GREB1: variants seen among roughly 807,000 people sequenced by gnomAD.
GREB1 encodes protein GREB1.
Under a neutral mutation model 200.7 loss-of-function variants are expected in GREB1, and 106 were observed. The ratio of observed to expected loss-of-function variants is 0.53; its 90% confidence interval spans 0.45 to 0.62. GREB1 has a LOEUF of 0.62. Ranked by LOEUF, GREB1 falls within the 20% of genes least tolerant of loss-of-function variation. The pLI is 0.00. For synonymous variants in GREB1, 1,132 were observed against 1,092.4 expected (o/e 1.04, Z -0.72); for missense variants, 2,243 against 2,556.8 (o/e 0.88, Z 2.65).
rs1285084354 is a variant in GREB1, at chr2:11,493,799, A to G, written c.-159+11418A>G. 2.0e-5 allele frequency among the ~76,000 whole-genome samples: 3 copies of G among 152,208 alleles called. No individual in the cohort carries two copies. Among genetic ancestry groups the G allele is most frequent in the African/African-American group, 7.2e-5 (3 of 41,452 alleles). ...AGGCATGGTAAGAGGCACATGAGGT[A>G]TAAGTTGCAAACTCTGACCTCTGGG... On this transcript the variant is annotated intron_variant, in intron 1 of 2. Transcript: ENST00000628795. This position sits in a 1 kb window ranked among gnomAD's most constrained non-coding sequence, Gnocchi z 4.6.
intron 17 of GREB1, among the ~76,000 whole-genome samples, chr2:11,608,396 C>T (rs1682606113): frequency 6.6e-6 from 1 of 152,136 alleles, no homozygotes; most frequent in Non-Finnish European, 1.5e-5. Flanking sequence ...AATTGGTTCC[C>T]CCCCTTTATT....
chr2:11,485,298 A>G (rs1206437702), intron 1 of GREB1, among the ~76,000 whole-genome samples: 3 of 141,086 alleles, frequency 2.1e-5, no homozygotes, highest in Admixed American at 7.1e-5. Flanking sequence ...TTTGAGACAG[A>G]GTCTTGCTCT....
At chr2:11,566,101 C>T (rs1460220860) in intron 3 of GREB1, among the ~76,000 whole-genome samples, 1 of 152,084 alleles carries the variant, frequency 6.6e-6, no homozygotes, top group East Asian at 1.9e-4. Flanking sequence ...TCACTGCAAC[C>T]TCTGCCTTAC....
At chr2:11,581,648 T>G (rs1339306654) in intron 7 of GREB1, among the ~76,000 whole-genome samples, 1 of 152,206 alleles carries the variant, frequency 6.6e-6, no homozygotes, top group East Asian at 1.9e-4. Context: ...ACCATGCTCA[T>G]CTGGAGCCAC....
chr2:11,582,962 T>C (rs2148093359), intron 7 of GREB1, among the ~76,000 whole-genome samples: 1 of 152,272 alleles, frequency 6.6e-6, no homozygotes, highest in East Asian at 1.9e-4. Flanking sequence ...AGGGTCTTAC[T>C]GGCATTTGGT....
intron 1 of GREB1, among the ~76,000 whole-genome samples, chr2:11,485,737 G>A (rs1672641872): frequency 6.6e-6 from 1 of 152,154 alleles, no homozygotes; most frequent in African/African-American, 2.4e-5. Context: ...CATTATAGAT[G>A]TTCATTCTAG....
intron 24 of GREB1, 60 bp from the exon 25 acceptor site, chr2:11,626,902 G>T: frequency 1.3e-6 from 2 of 1,575,252 alleles, no homozygotes; most frequent in African/African-American, 1.3e-5. Context: ...GTTTGAGCAG[G>T]CAGGGGATAA....
At chr2:11,562,707 C>T (rs1677200325) in intron 3 of GREB1, 125 bp downstream of exon 3, 2 of 1,194,394 alleles carry the variant, frequency 1.7e-6, no homozygotes, top group Admixed American at 2.7e-5. Flanking sequence ...TCTTTGCTTT[C>T]CCTGAGGTGT....
intron 11 of GREB1, among the ~76,000 whole-genome samples, chr2:11,593,861 A>G (rs967375863): frequency 7.9e-5 from 12 of 152,302 alleles, no homozygotes; most frequent in East Asian, 3.9e-4. Flanking sequence ...AGCAGTCTCT[A>G]CTTGCCTGGA....
rs1681386351 is a variant in GREB1, at chr2:11,597,599, C to T, written c.1955-182C>T. Among the ~76,000 whole-genome samples, 1 of 152,162 alleles carries T rather than the reference C, an allele frequency of 6.6e-6. No individual in the cohort carries two copies. The highest frequency in any genetic ancestry group is 2.4e-5 in the African/African-American group (1 of 41,416). ...ATGGTGCATAAAATGATTGCTACCCCCACACCCGCCACTGCTTAGCTGAGA... is the reference window on the plus strand; with the variant it reads ...ATGGTGCATAAAATGATTGCTACCCTCACACCCGCCACTGCTTAGCTGAGA... On this transcript the variant is annotated intron_variant, in intron 13 of 32. Coordinates refer to ENST00000381486, the MANE Select transcript of GREB1 (RefSeq NM_014668.4). This position sits in a 1 kb window ranked among gnomAD's most constrained non-coding sequence, Gnocchi z 4.1.
chr2:11,489,174 C>T (rs1053828066), intron 1 of GREB1, among the ~76,000 whole-genome samples: 2 of 152,086 alleles, frequency 1.3e-5, no homozygotes, highest in African/African-American at 4.8e-5. Flanking sequence ...TTGGGCCGGC[C>T]GGGCACAGTG....
intron 1 of GREB1, among the ~76,000 whole-genome samples, chr2:11,486,729 G>T (rs899130774): frequency 6.6e-6 from 1 of 151,772 alleles, no homozygotes; most frequent in Non-Finnish European, 1.5e-5. Flanking sequence ...TTAGCCAGGC[G>T]TGGTGGTGTG....
At position 11,588,783 on chromosome 2, in the gene GREB1, T is replaced by C; in HGVS notation, c.1197T>C (p.Asn399=). 1 of 1,614,200 alleles carries C rather than the reference T, an allele frequency of 6.2e-7. No homozygotes were observed. Among genetic ancestry groups the C allele is most frequent in the South Asian group, 1.1e-5 (1 of 91,084 alleles). ...TCCCTTACCTCTGTGGGAACCTGAA[T>C]GACGTCGTGGTCAGCCCCCTCTTGT... ...GNFPYLCGNL[N]DVVVSPLLYT... is the part of the protein sequence containing the mutation. Residue 399 remains asparagine, a synonymous_variant, in exon 10 of 33, where the codon AAT becomes AAC. Coordinates refer to ENST00000381486, the MANE Select transcript of GREB1 (RefSeq NM_014668.4).
At chr2:11,577,200 G>C (rs936885407) in intron 5 of GREB1, among the ~76,000 whole-genome samples, 6 of 152,012 alleles carry the variant, frequency 3.9e-5, no homozygotes, top group African/African-American at 1.5e-4. Context: ...CCTAGGGAAC[G>C]TGTGGCCATA....
chr2:11,606,280 C>G (rs1242224208), intron 17 of GREB1, among the ~76,000 whole-genome samples: 1 of 152,220 alleles, frequency 6.6e-6, no homozygotes, highest in Non-Finnish European at 1.5e-5. Flanking sequence ...CAAGGGTCAG[C>G]TGTCGTTCAT....
At chr2:11,592,682 ATAACT>A in intron 10 of GREB1, 89 bp from the exon 11 acceptor site, 1 of 774,262 alleles carries the variant, frequency 1.3e-6, no homozygotes. Context: ...TTTCACAGTA[ATAACT>A]TAGGTGGGTA....
chr2:11,535,676 G>C (rs1035697531), intron 1 of GREB1, among the ~76,000 whole-genome samples: 1 of 152,172 alleles, frequency 6.6e-6, no homozygotes, highest in Non-Finnish European at 1.5e-5. Flanking sequence ...TGAGAGTCTA[G>C]GATTCGGTGA....
At position 11,642,326 on chromosome 2, in the gene GREB1, A is replaced by T. The variant is rs866763567; in HGVS notation, c.*1872A>T. 2.5e-4 allele frequency: 38 copies of T among 151,688 alleles called. No homozygotes were observed. The highest frequency in any genetic ancestry group is 9.0e-4 in the African/African-American group (37 of 41,264). The allele number at this position is 151,688 out of a possible 1,614,324, so 9.4% of individuals were successfully genotyped here. On this transcript the variant is annotated 3_prime_UTR_variant, in exon 33 of 33. Transcript: ENST00000381486. ...TTTTTAGTAGAGATGGGGTTTCGCC[A>T]GGTTGGCCAGGCTGGTCTTGTGAAC...
rs1685066434 is a variant in GREB1, at chr2:11,633,573, AAAAG to A, written c.4991+518_4991+521del. Reference sequence around the variant, plus strand: ...AGCGAGACTCCGTCTAAAAAAAAAAAAAAGAAAGAAAAAAATTGTTATTGAAGTA... The same window carrying A: ...AGCGAGACTCCGTCTAAAAAAAAAAAAAAGAAAAAAATTGTTATTGAAGTA... On this transcript the variant is annotated intron_variant, in intron 28 of 32. Transcript: ENST00000381486. The surrounding 1 kb of genome is among the most constrained non-coding windows in gnomAD (Gnocchi z 4.1). Among the ~76,000 whole-genome samples, 2 of 152,148 alleles carry A rather than the reference AAAAG, an allele frequency of 1.3e-5. No individual in the cohort carries two copies. The highest frequency in any genetic ancestry group is 2.1e-4 in the South Asian group (1 of 4,824).
Sources: gnomAD v4.1 joint callset for allele counts (sites outside exome capture counted in the v4.1 genomes callset) on GRCh38, gnomAD v4.1.1 for gene constraint, Gnocchi (gnomAD v3.1) non-coding constraint, MANE v1.5 for transcripts, NCBI Gene and HGNC (gene_info 2026-07-23, HGNC 2026-07-21) for gene names.